DAAM2: variants seen among roughly 807,000 people sequenced by gnomAD.
The protein encoded by DAAM2 is dishevelled associated activator of morphogenesis 2.
A neutral mutation model predicts 120.7 loss-of-function variants in DAAM2; 39 were observed. The ratio of observed to expected loss-of-function variants is 0.32; its 90% CI spans 0.25 to 0.42. DAAM2 has a LOEUF of 0.42. Among genes scored for constraint, DAAM2 ranks in the 10% least tolerant of loss-of-function variants. DAAM2 has a pLI of 1.00. For missense variants in DAAM2, 1,283 were observed against 1,401.7 expected (o/e 0.92, Z 1.35); for synonymous variants, 488 against 524.9 (o/e 0.93, Z 0.96).
At chr6:39,886,902 C>T (rs747890597) in intron 15 of DAAM2, 17 of 159,974 alleles carry the variant, frequency 1.1e-4, no homozygotes, top group South Asian at 8.1e-4. Flanking sequence ...ATGATTTCTC[C>T]AGAATCTGCC....
intron 1 of DAAM2, among the ~76,000 whole-genome samples, chr6:39,826,770 T>G (rs1437111301): frequency 6.6e-6 from 1 of 152,212 alleles, no homozygotes; most frequent in Non-Finnish European, 1.5e-5. Context: ...ATAATTAGTA[T>G]GCATAGTCAC....
Position 39,878,213 on chromosome 6 carries a change from G to A in DAAM2, c.1312G>A (p.Glu438Lys), listed in dbSNP as rs976208789. ...VKNIVNMLIN[E>K]NEVKQWRDQA... ...TCTATGCCCTGCCAGGCTCATCAAC[G>A]AGAATGAAGTGAAACAGTGGCGAGA... is the stretch of plus-strand genomic sequence containing the variant. The change falls in exon 12 of 25, where the codon GAG becomes AAG. Residue 438 changes from glutamate (E) to lysine (K), a missense_variant. This residue lies in a region of DAAM2 where 338 missense variants were observed against 443.9 expected (regional missense o/e 0.76). Transcript: ENST00000274867. This position sits in a 1 kb window ranked among gnomAD's most constrained non-coding sequence, Gnocchi z 5.0. 6.2e-6 allele frequency: 10 copies of A among 1,613,968 alleles called. No individual in the cohort carries two copies. The highest frequency in any genetic ancestry group is 8.5e-6 in the Non-Finnish European group (10 of 1,179,884).
rs1171342762 is a variant in DAAM2 at position 39,902,000 on chromosome 6, T to C, written c.3170T>C (p.Val1057Ala). The change falls in exon 25 of 25, where the codon GTT becomes GCT. Residue 1057 changes from valine to alanine, a missense_variant. By Grantham distance (64) the Val-to-Ala change is moderately conservative. This residue lies in a region of DAAM2 where 748 missense variants were observed against 768.6 expected (regional missense o/e 0.97). Transcript: ENST00000274867. The surrounding 1 kb of genome is among the most constrained non-coding windows in gnomAD (Gnocchi z 4.5). ...CGATCAGGGAGCCAGGCCCTGGAAG[T>C]TACCCGGGAGCGGGCAATAAACCGG... ...RKRSGSQALE[V>A]TRERAINRLN... is the part of the protein sequence containing the mutation. 6.2e-7 allele frequency: 1 copy of C among 1,611,202 alleles called. No individual in the cohort carries two copies. The highest frequency in any genetic ancestry group is 2.2e-5 in the East Asian group (1 of 44,788).
chr6:39,899,969 TTC>T (rs1562067226), intron 22 of DAAM2, 106 bp from the exon 23 acceptor site: 3 of 1,300,200 alleles, frequency 2.3e-6, no homozygotes, highest in South Asian at 1.5e-5. Context: ...GTGTTCCCTC[TTC>T]CAAAGGGCTC....
At chr6:39,891,114 T>G (rs942331126) in intron 17 of DAAM2, among the ~76,000 whole-genome samples, 11 of 147,692 alleles carry the variant, frequency 7.4e-5, no homozygotes, top group Admixed American at 1.4e-4. Context: ...AAGAAAGAAA[T>G]ACTGTATATC....
intron 1 of DAAM2, among the ~76,000 whole-genome samples, chr6:39,804,950 C>T (rs969628223): frequency 6.6e-6 from 1 of 152,114 alleles, no homozygotes; most frequent in Non-Finnish European, 1.5e-5. Context: ...TCCCGCCCAC[C>T]TCCAGAGCTC....
At chr6:39,841,834 A>G (rs570476006) in intron 1 of DAAM2, among the ~76,000 whole-genome samples, 3 of 152,286 alleles carry the variant, frequency 2.0e-5, no homozygotes, top group African/African-American at 7.2e-5. Flanking sequence ...TGTAGCCTGA[A>G]GTCCTGGAGC....
chr6:39,840,542 G>A (rs1763285245), intron 1 of DAAM2, among the ~76,000 whole-genome samples: 1 of 152,186 alleles, frequency 6.6e-6, no homozygotes, highest in Non-Finnish European at 1.5e-5. Context: ...GAAGTTGGTG[G>A]CACCAGCATT....
chr6:39,892,786 AT>A (rs1765813506), intron 19 of DAAM2, among the ~76,000 whole-genome samples: 1 of 152,168 alleles, frequency 6.6e-6, no homozygotes, highest in Admixed American at 6.5e-5. Flanking sequence ...ATCCATTGAG[AT>A]GCTTCAGGGA....
chr6:39,815,848 C>T (rs1180904371), intron 1 of DAAM2, among the ~76,000 whole-genome samples: 1 of 152,180 alleles, frequency 6.6e-6, no homozygotes, highest in African/African-American at 2.4e-5. Flanking sequence ...TCCCTTGGTG[C>T]TCACAAGCAA....
At position 39,856,371 on chromosome 6, in the gene DAAM2, C is replaced by T. The variant is rs372928269; in HGVS notation, c.69C>T (p.Pro23=). The change falls in exon 2 of 25, where the codon CCC becomes CCT. Residue 23 remains proline, a synonymous_variant. Transcript: ENST00000274867. ...FLCCFGGSDI[P]EINLRDNHPL... Reference sequence around the variant, plus strand: ...GCTGCTTCGGGGGCAGTGACATCCCCGAAATCAACCTCCGGGACAACCACC... The same window carrying T: ...GCTGCTTCGGGGGCAGTGACATCCCTGAAATCAACCTCCGGGACAACCACC... The T allele has an allele frequency of 1.7e-5, 26 of 1,553,682 alleles. No individual in the cohort carries two copies. The highest frequency in any genetic ancestry group is 8.3e-5 in the African/African-American group (6 of 72,604).
At chr6:39,828,570 CT>C (rs1430820441) in intron 1 of DAAM2, among the ~76,000 whole-genome samples, 56 of 142,470 alleles carry the variant, frequency 3.9e-4, no homozygotes, top group Admixed American at 5.6e-4. Flanking sequence ...CCCCCTCCGT[CT>C]TTTTTTTTTT....
intron 1 of DAAM2, among the ~76,000 whole-genome samples, chr6:39,853,793 C>T (rs903445035): frequency 1.3e-5 from 2 of 152,230 alleles, no homozygotes; most frequent in African/African-American, 4.8e-5. Flanking sequence ...CTTCCCATGC[C>T]TTGTGCCCTG....
rs1314872910 is a variant in DAAM2 at position 39,901,839 on chromosome 6, G to A, written c.3009G>A (p.Arg1003=). Residue 1003 remains arginine, a synonymous_variant, in exon 25 of 25, where the codon CGG becomes CGA. Transcript: ENST00000274867. The surrounding 1 kb of genome is among the most constrained non-coding windows in gnomAD (Gnocchi z 4.5). ...AMLKEQRERE[R]WQRQRKVLAA... ...TGAAGGAGCAGAGGGAACGTGAGCGGTGGCAGCGGCAGCGGAAGGTCCTGG... is the reference window on the plus strand; with the variant it reads ...TGAAGGAGCAGAGGGAACGTGAGCGATGGCAGCGGCAGCGGAAGGTCCTGG... 3.2e-6 allele frequency: 5 copies of A among 1,562,704 alleles called. No individual in the cohort carries two copies. The highest frequency in any genetic ancestry group is 2.4e-5 in the South Asian group (2 of 84,458).
chr6:39,811,402 C>T (rs1030866581), intron 1 of DAAM2, among the ~76,000 whole-genome samples: 3 of 152,070 alleles, frequency 2.0e-5, no homozygotes, highest in South Asian at 4.2e-4. Flanking sequence ...AGCATCCCTG[C>T]GATGGAGGGG....
intron 1 of DAAM2, among the ~76,000 whole-genome samples, chr6:39,845,365 CACAA>C: frequency 0.01 from 1 of 98 alleles, no homozygotes; most frequent in Non-Finnish European, 0.018. Context: ...ATCACACATG[CACAA>C]ACATACACAT....
intron 6 of DAAM2, chr6:39,868,510 A>C: frequency 7.1e-5 from 23 of 323,960 alleles, no homozygotes; most frequent in Non-Finnish European, 9.8e-5. Flanking sequence ...TAGGCAGGGA[A>C]TACATATGAG....
chr6:39,808,547 C>A (rs759305550), intron 1 of DAAM2, among the ~76,000 whole-genome samples: 2 of 152,256 alleles, frequency 1.3e-5, no homozygotes, highest in Non-Finnish European at 2.9e-5. Context: ...GGAATTGCTT[C>A]ACTTTCTTTT....
At chr6:39,885,300 C>T (rs1478595225) in intron 15 of DAAM2, 1 of 152,266 alleles carries the variant, frequency 6.6e-6, no homozygotes, top group Non-Finnish European at 1.5e-5. Flanking sequence ...AACCCCATGC[C>T]CATGTCAGGC....
Sources: allele counts gnomAD v4.1 joint callset (sites outside exome capture counted in the v4.1 genomes callset), GRCh38; gene constraint gnomAD v4.1.1; regional missense constraint gnomAD v4.1.1; non-coding constraint Gnocchi (gnomAD v3.1); transcripts MANE v1.5; gene names NCBI Gene and HGNC (gene_info 2026-07-23, HGNC 2026-07-21).